Variants in TBC1D5 observed in about 807,000 individuals in gnomAD.
The protein encoded by TBC1D5 is TBC1 domain family, member 5.
A neutral mutation model predicts 100.3 loss-of-function variants in TBC1D5; 75 were observed. That is an observed-to-expected ratio of 0.75 (90% confidence interval 0.62 to 0.91). The LOEUF is 0.91. Among genes scored for constraint, TBC1D5 ranks in the 40% least tolerant of loss-of-function variants. The pLI, the probability that TBC1D5 is intolerant of heterozygous loss-of-function variation, is 0.00. For synonymous variants in TBC1D5, 323 were observed against 325.6 expected (o/e 0.99, Z 0.09); for missense variants, 910 against 942.4 (o/e 0.97, Z 0.45).
chr3:17,456,715 T>C (rs2095093292), intron 3 of TBC1D5, among the ~76,000 whole-genome samples: 1 of 152,230 alleles, frequency 6.6e-6, no homozygotes, highest in Non-Finnish European at 1.5e-5. Context: ...GTACAACCAC[T>C]ACAAAGAACA....
intron 1 of TBC1D5, among the ~76,000 whole-genome samples, chr3:17,694,332 G>A (rs1393512290): frequency 6.6e-6 from 1 of 152,152 alleles, no homozygotes; most frequent in Non-Finnish European, 1.5e-5. Flanking sequence ...ACATCGCAAG[G>A]AAGCTAAAAA....
At chr3:17,693,827 T>C (rs1012285670) in intron 1 of TBC1D5, among the ~76,000 whole-genome samples, 1 of 152,062 alleles carries the variant, frequency 6.6e-6, no homozygotes, top group Non-Finnish European at 1.5e-5. Flanking sequence ...CACCTACCAA[T>C]AGGGGCCGAC....
chr3:17,174,910 G>A (rs2067557888), intron 19 of TBC1D5, among the ~76,000 whole-genome samples: 1 of 152,168 alleles, frequency 6.6e-6, no homozygotes, highest in South Asian at 2.1e-4. Context: ...TTTTACATGA[G>A]AGAGCAGGTA....
intron 2 of TBC1D5, among the ~76,000 whole-genome samples, chr3:17,611,375 T>C (rs547963002): frequency 3.2e-4 from 49 of 152,042 alleles, no homozygotes; most frequent in African/African-American, 1.2e-3. Context: ...CTAGAACAAA[T>C]AGAGTTTAAA....
chr3:17,296,044 A>G (rs2082220985), intron 14 of TBC1D5, among the ~76,000 whole-genome samples: 1 of 152,208 alleles, frequency 6.6e-6, no homozygotes, highest in South Asian at 2.1e-4. Context: ...ATACTTTCCT[A>G]CATTCTTAGC....
chr3:17,243,214 T>C (rs2149133727), intron 16 of TBC1D5, among the ~76,000 whole-genome samples: 1 of 152,286 alleles, frequency 6.6e-6, no homozygotes, highest in Admixed American at 6.5e-5. Context: ...AGTTTCCTTA[T>C]CCTAAAATAA....
intron 2 of TBC1D5, among the ~76,000 whole-genome samples, chr3:17,618,380 C>T (rs1010405608): frequency 6.6e-6 from 1 of 152,232 alleles, no homozygotes; most frequent in Admixed American, 6.5e-5. Flanking sequence ...AGTAGGCAGT[C>T]TGTCCATTCT....
In TBC1D5 at chr3:17,404,997, C is replaced by G. The variant is rs370907469; in HGVS notation, c.277-36G>C. On this transcript the variant is annotated intron_variant, in intron 5 of 21. Transcript: ENST00000253692. ...AAACAGAAGAAACTTTTGTAAAAAT[C>G]TTAAGATATAAAATGTGAAACTATG... is the stretch of plus-strand genomic sequence containing the variant. 2.1e-5 allele frequency: 29 copies of G among 1,383,608 alleles called. No individual in the cohort carries two copies. The African/African-American group carries it at 4.1e-4, about 20-fold the overall frequency. 85.7% of individuals were successfully genotyped at this position (1,383,608 alleles called of 1,614,324 possible).
At chr3:17,589,175 C>T (rs927231950) in intron 2 of TBC1D5, among the ~76,000 whole-genome samples, 1 of 152,196 alleles carries the variant, frequency 6.6e-6, no homozygotes, top group Non-Finnish European at 1.5e-5. Flanking sequence ...CAAAATACTA[C>T]TTATGCTTTT....
chr3:17,564,707 C>G (rs1203569738), intron 2 of TBC1D5, among the ~76,000 whole-genome samples: 1 of 152,086 alleles, frequency 6.6e-6, no homozygotes, highest in African/African-American at 2.4e-5. Flanking sequence ...TCATCAAATC[C>G]TCACCTCTCT....
chr3:17,431,340 A>G (rs1011770201), intron 3 of TBC1D5, among the ~76,000 whole-genome samples: 8 of 152,044 alleles, frequency 5.3e-5, no homozygotes, highest in Admixed American at 5.2e-4. Context: ...AATGTGGTTT[A>G]AGATAATAGG....
intron 3 of TBC1D5, among the ~76,000 whole-genome samples, chr3:17,477,109 T>G (rs1353840042): frequency 1.3e-5 from 2 of 151,982 alleles, no homozygotes; most frequent in Non-Finnish European, 2.9e-5. Context: ...AGTTATTTTA[T>G]CACAAACTTA....
exon 22 of TBC1D5, chr3:17,157,210 C>CTTTGCCA (rs2065657415): frequency 6.6e-6 from 1 of 152,208 alleles, no homozygotes; most frequent in African/African-American, 2.4e-5. Flanking sequence ...AATGGGGTCG[C>CTTTGCCA]TTTGCCAAAA....
intron 1 of TBC1D5, among the ~76,000 whole-genome samples, chr3:17,641,446 C>T (rs2153697083): frequency 6.6e-6 from 1 of 152,168 alleles, no homozygotes; most frequent in Non-Finnish European, 1.5e-5. Context: ...CTCTCTGAGC[C>T]TCAGCTATGT....
intron 9 of TBC1D5, among the ~76,000 whole-genome samples, chr3:17,378,911 C>T (rs1485496704): frequency 1.3e-5 from 2 of 151,718 alleles, no homozygotes; most frequent in African/African-American, 4.8e-5. Flanking sequence ...ATTCAATAAG[C>T]TGAATAACCC....
intron 3 of TBC1D5, among the ~76,000 whole-genome samples, chr3:17,492,788 T>C (rs1282130973): frequency 1.3e-5 from 2 of 152,228 alleles, no homozygotes; most frequent in Non-Finnish European, 2.9e-5. Context: ...TTCTGGTACA[T>C]TGTCTCTTTT....
In TBC1D5 at chr3:17,591,233, C is replaced by CAAAAAAAAAAAAAAAA. The variant is rs60889092; in HGVS notation, c.-36+32600_-36+32615dup. Among the ~76,000 whole-genome samples, 53 of 18,662 alleles carry CAAAAAAAAAAAAAAAA rather than the reference C, an allele frequency of 2.8e-3. 10 individuals are homozygous for CAAAAAAAAAAAAAAAA. The highest frequency in any genetic ancestry group is 4.8e-3 in the Non-Finnish European group (34 of 7,126). 12.2% of individuals were successfully genotyped at this position (18,662 alleles called of 152,430 possible). A position where few individuals can be genotyped will look rare whatever the true frequency, so the allele number is the denominator to read the frequency against. Reference sequence around the variant, plus strand: ...ACTGGGCTACAAAGAAAGGATCTGTCAAAAAAAAAAAAAAAAAAAAAAAAA... The same window carrying CAAAAAAAAAAAAAAAA: ...ACTGGGCTACAAAGAAAGGATCTGTCAAAAAAAAAAAAAAAAAAAAAAAAAAAAAAAAAAAAAAAAA... On this transcript the variant is annotated intron_variant, in intron 2 of 21. Transcript: ENST00000253692.
chr3:17,580,227 A>G (rs1194604180), intron 2 of TBC1D5, among the ~76,000 whole-genome samples: 1 of 152,150 alleles, frequency 6.6e-6, no homozygotes, highest in Non-Finnish European at 1.5e-5. Context: ...TGAAACTTTA[A>G]AAAAAATCAA....
intron 17 of TBC1D5, among the ~76,000 whole-genome samples, chr3:17,232,827 C>G (rs1214998361): frequency 6.6e-6 from 1 of 152,080 alleles, no homozygotes; most frequent in Non-Finnish European, 1.5e-5. Flanking sequence ...TATTTTAATA[C>G]TACTAGCATC....
Sources: gnomAD v4.1 joint callset for allele counts (sites outside exome capture counted in the v4.1 genomes callset) on GRCh38, gnomAD v4.1.1 for gene constraint, MANE v1.5 for transcripts, NCBI Gene and HGNC (gene_info 2026-07-23, HGNC 2026-07-21) for gene names.